Variants in RFX4 observed in about 807,000 individuals in gnomAD.
The protein encoded by RFX4 is regulatory factor X4.
A neutral mutation model predicts 95.0 loss-of-function variants in RFX4; 10 were observed. The observed-to-expected ratio is 0.11, with a 90% CI of 0.06 to 0.18. The LOEUF (loss-of-function observed/expected upper bound fraction) is 0.18, where lower values mean the gene tolerates loss of function less well. RFX4 is among the 10% of genes least tolerant of loss of function. The pLI is 1.00. For synonymous variants in RFX4, 321 were observed against 340.7 expected (o/e 0.94, Z 0.64); for missense variants, 640 against 922.0 (o/e 0.69, Z 3.96).
intron 15 of RFX4, among the ~76,000 whole-genome samples, chr12:106,735,041 G>C (rs1490253646): frequency 1.5e-5 from 2 of 133,414 alleles, no homozygotes; most frequent in Non-Finnish European, 3.1e-5. Flanking sequence ...GTGATAGCCT[G>C]TTTAAAAAAA....
chr12:106,627,303 C>T (rs938118303), intron 2 of RFX4, among the ~76,000 whole-genome samples: 7 of 152,024 alleles, frequency 4.6e-5, no homozygotes, highest in Admixed American at 2.0e-4. Flanking sequence ...TTTGGTAGGC[C>T]GAGGCAGGCG....
chr12:106,732,726 A>G (rs1592994220), intron 14 of RFX4, among the ~76,000 whole-genome samples, 198 bp from the exon 15 acceptor site: 1 of 152,066 alleles, frequency 6.6e-6, no homozygotes, highest in African/African-American at 2.4e-5. Context: ...TAAATAAATA[A>G]ATAAACAAAT....
intron 2 of RFX4, among the ~76,000 whole-genome samples, chr12:106,622,225 T>TA (rs1408433131): frequency 3.3e-5 from 5 of 152,146 alleles, no homozygotes; most frequent in Admixed American, 1.3e-4. Context: ...AGATTATATT[T>TA]TAAAAAAATA....
At chr12:106,639,022 C>T (rs2040566554) in intron 2 of RFX4, among the ~76,000 whole-genome samples, 1 of 152,088 alleles carries the variant, frequency 6.6e-6, no homozygotes, top group South Asian at 2.1e-4. Context: ...TGTCCTGCTT[C>T]AGTTAGGAAA....
At chr12:106,615,570 G>A (rs1430948618) in intron 2 of RFX4, among the ~76,000 whole-genome samples, 1 of 152,094 alleles carries the variant, frequency 6.6e-6, no homozygotes, top group African/African-American at 2.4e-5. Context: ...ATAAATTTGG[G>A]AAGAACACCT....
At chr12:106,721,649 GA>G (rs1235027734) in intron 13 of RFX4, among the ~76,000 whole-genome samples, 1 of 152,194 alleles carries the variant, frequency 6.6e-6, no homozygotes, top group Admixed American at 6.5e-5. Flanking sequence ...CCAGACATTT[GA>G]AATCCCAAAA....
At chr12:106,687,413 G>A (rs2041682239) in intron 6 of RFX4, among the ~76,000 whole-genome samples, 1 of 151,900 alleles carries the variant, frequency 6.6e-6, no homozygotes, top group Non-Finnish European at 1.5e-5. Context: ...AATTAGCCAG[G>A]TGTGGAGGTG....
intron 2 of RFX4, among the ~76,000 whole-genome samples, chr12:106,617,705 CATTTTGA>C (rs1202343707): frequency 6.6e-6 from 1 of 152,104 alleles, no homozygotes; most frequent in African/African-American, 2.4e-5. Context: ...GTATATTTTG[CATTTTGA>C]ATGTACATTT....
At chr12:106,587,404 G>A (rs937292380) in intron 1 of RFX4, among the ~76,000 whole-genome samples, 5 of 152,310 alleles carry the variant, frequency 3.3e-5, no homozygotes, top group Admixed American at 2.6e-4. Flanking sequence ...GGGGGCGGGG[G>A]GACCGGAGGG....
intron 4 of RFX4, among the ~76,000 whole-genome samples, chr12:106,681,667 C>T (rs913590976): frequency 2.0e-5 from 3 of 152,138 alleles, no homozygotes. Context: ...GTTTTAGTTC[C>T]AGGTGCTGTG....
intron 15 of RFX4, among the ~76,000 whole-genome samples, chr12:106,738,718 G>T (rs2042755314): frequency 1.3e-5 from 2 of 152,102 alleles, no homozygotes; most frequent in Admixed American, 6.5e-5. Context: ...ATACTCCATT[G>T]CTAAATTAGA....
At chr12:106,760,369 AAAG>A (rs1288882650) in intron 17 of RFX4, among the ~76,000 whole-genome samples, 2 of 152,130 alleles carry the variant, frequency 1.3e-5, no homozygotes, top group African/African-American at 4.8e-5. Context: ...AAAGAATGTA[AAAG>A]AAGAAGCACT....
chr12:106,700,139 C>T (rs1487393071), intron 8 of RFX4, among the ~76,000 whole-genome samples: 1 of 152,112 alleles, frequency 6.6e-6, no homozygotes, highest in Non-Finnish European at 1.5e-5. Context: ...TCAAGCAGTC[C>T]TCCCACCTCG....
chr12:106,742,606 T>C (rs1011413981), intron 15 of RFX4, among the ~76,000 whole-genome samples: 3 of 152,290 alleles, frequency 2.0e-5, no homozygotes, highest in East Asian at 1.9e-4. Flanking sequence ...AGAAGTTTGA[T>C]ATAAGGGCCT....
At chr12:106,747,718 A>C (rs536555792) in intron 16 of RFX4, 119 bp downstream of exon 16, 1 of 1,116,126 alleles carries the variant, frequency 9.0e-7, no homozygotes, top group Non-Finnish European at 1.3e-6. Context: ...CCTTGAAGTC[A>C]GGAGTTCGAG....
Position 106,687,269 on chromosome 12 carries a change from C to T in RFX4, c.591+172C>T, listed in dbSNP as rs74969699. ...AGTTTAAAAATATAAAGATAGAAAT[C>T]CAGGCCAGGAGAGGTGGCTCATGCC... On this transcript the variant is annotated intron_variant, in intron 6 of 17. Transcript: ENST00000392842. Among the ~76,000 whole-genome samples, 46 of 149,492 alleles carry T rather than the reference C, an allele frequency of 3.1e-4. No homozygotes were observed. The East Asian group carries it at 9.1e-3, about 29-fold the overall frequency.
At position 106,583,066 on chromosome 12, in the gene RFX4, G is replaced by A. The variant is rs186409751; in HGVS notation, c.-255G>A. 2 of 428,328 alleles carry A rather than the reference G, an allele frequency of 4.7e-6. No homozygotes were observed. Among genetic ancestry groups the A allele is most frequent in the Admixed American group, 4.5e-5 (1 of 22,418 alleles). The allele number at this position is 428,328 out of a possible 1,614,324, so 26.5% of individuals were successfully genotyped here. On this transcript the variant is annotated 5_prime_UTR_variant, in exon 1 of 18. Transcript: ENST00000392842. Reference sequence around the variant, plus strand: ...TTACTGAGTGTCCCCTTGCTCGCTCGCTTTTTCTCTCTCCCCCTTCTCCGA... The same window carrying A: ...TTACTGAGTGTCCCCTTGCTCGCTCACTTTTTCTCTCTCCCCCTTCTCCGA...
chr12:106,717,717 G>T (rs546731583), intron 11 of RFX4, among the ~76,000 whole-genome samples: 1 of 152,246 alleles, frequency 6.6e-6, no homozygotes, highest in African/African-American at 2.4e-5. Flanking sequence ...TGTATTTACA[G>T]ATGTGTTGCA....
At chr12:106,652,700 C>T (rs1385952124) in intron 3 of RFX4, among the ~76,000 whole-genome samples, 1 of 152,144 alleles carries the variant, frequency 6.6e-6, no homozygotes, top group Non-Finnish European at 1.5e-5. Flanking sequence ...GGTTGTATTC[C>T]CCCTCTGTGG....
Sources: allele counts gnomAD v4.1 joint callset (sites outside exome capture counted in the v4.1 genomes callset), GRCh38; gene constraint gnomAD v4.1.1; transcripts MANE v1.5; gene names NCBI Gene and HGNC (gene_info 2026-07-23, HGNC 2026-07-21).